AAGAB: variants seen among roughly 807,000 people sequenced by gnomAD.
AAGAB encodes alpha- and gamma-adaptin-binding protein p34.
In AAGAB, 38 loss-of-function variants were observed where a neutral mutation model predicts 44.1. The ratio of observed to expected loss-of-function variants is 0.86; its 90% confidence interval spans 0.67 to 1.13. The LOEUF (loss-of-function observed/expected upper bound fraction) is 1.13, where lower values mean the gene tolerates loss of function less well. Ranked by LOEUF, AAGAB falls within the 50% of genes most tolerant of loss-of-function variation. The pLI is 0.00. For missense variants in AAGAB, 450 were observed against 373.8 expected (o/e 1.20, Z -1.68); for synonymous variants, 131 against 131.8 (o/e 0.99, Z 0.04).
In AAGAB at chr15:67,231,914, AATAT is replaced by A. The variant is rs748650736; in HGVS notation, c.452-21_452-18del. 4 of 1,573,568 alleles carry A rather than the reference AATAT, an allele frequency of 2.5e-6. No individual in the cohort carries two copies. The highest frequency in any genetic ancestry group is 2.6e-6 in the Non-Finnish European group (3 of 1,144,658). On this transcript the variant is annotated intron_variant, in intron 4 of 9. Transcript: ENST00000261880. ...GGAAGTCATCTAATCAGGGAGGGGA[AATAT>A]ATATATTTATATGCAACACTCACAC...
chr15:67,228,703 A>G (rs1405460998), intron 5 of AAGAB, among the ~76,000 whole-genome samples: 1 of 152,236 alleles, frequency 6.6e-6, no homozygotes, highest in Non-Finnish European at 1.5e-5. Context: ...TATTCACAAT[A>G]GCAAAGACAC....
upstream of AAGAB, chr15:67,255,056 A>C (rs1212954552): frequency 9.5e-7 from 1 of 1,049,944 alleles, no homozygotes; most frequent in African/African-American, 1.6e-5. Flanking sequence ...CCGCCCCTAG[A>C]CTCCCTCCAA....
intron 3 of AAGAB, 74 bp from the exon 4 acceptor site, chr15:67,236,142 C>A: frequency 1.7e-6 from 2 of 1,192,670 alleles, no homozygotes; most frequent in Non-Finnish European, 2.4e-6. Context: ...ATATTCTTCA[C>A]AAATCTCAAT....
chr15:67,211,004 C>G (rs879558687), intron 5 of AAGAB, among the ~76,000 whole-genome samples: 2 of 152,166 alleles, frequency 1.3e-5, no homozygotes, highest in Non-Finnish European at 2.9e-5. Context: ...TTCCCTATAC[C>G]CTTTCCCCTG....
rs535659506 is a variant in AAGAB, at chr15:67,239,164, G to A, written c.74-2344C>T. 3.3e-5 allele frequency among the ~76,000 whole-genome samples: 5 copies of A among 152,184 alleles called. No homozygotes were observed. The South Asian group carries it at 1.0e-3, about 32-fold the overall frequency. Reference sequence around the variant, plus strand: ...TCAGTTCTTGATATTTCCTAAATTGGTTGTATTGTTAAAAACTGATATCAA... The same window carrying A: ...TCAGTTCTTGATATTTCCTAAATTGATTGTATTGTTAAAAACTGATATCAA... On this transcript the variant is annotated intron_variant, in intron 1 of 9. Transcript: ENST00000261880.
At chr15:67,204,340 T>C (rs1292013291) in intron 7 of AAGAB, among the ~76,000 whole-genome samples, 192 bp from the exon 8 acceptor site, 2 of 152,130 alleles carry the variant, frequency 1.3e-5, no homozygotes, top group Admixed American at 6.5e-5. Flanking sequence ...AACTATTTTA[T>C]CCTCACAACA....
intron 5 of AAGAB, among the ~76,000 whole-genome samples, chr15:67,229,258 C>T (rs1964276947): frequency 6.6e-6 from 1 of 151,794 alleles, no homozygotes; most frequent in African/African-American, 2.4e-5. Flanking sequence ...ATGGTGAAAC[C>T]CCCGTCTCTA....
At chr15:67,231,297 C>T (rs1413283171) in intron 5 of AAGAB, among the ~76,000 whole-genome samples, 2 of 152,174 alleles carry the variant, frequency 1.3e-5, no homozygotes, top group African/African-American at 2.4e-5. Context: ...CTCCACTTGC[C>T]GTTCTCCCCT....
chr15:67,232,368 A>G (rs1964360226), intron 4 of AAGAB: 2 of 179,192 alleles, frequency 1.1e-5, no homozygotes, highest in Non-Finnish European at 2.3e-5. Context: ...AAAATCAAAT[A>G]CAGAGCTTGG....
In AAGAB at chr15:67,208,580, G is replaced by A. The variant is rs1254374766; in HGVS notation, c.697C>T (p.Gln233Ter). 1.2e-6 allele frequency: 2 copies of A among 1,613,936 alleles called. No individual in the cohort carries two copies. Among genetic ancestry groups the A allele is most frequent in the Admixed American group, 3.3e-5 (2 of 60,008 alleles). Residue 233 changes from glutamine (Q) to a stop codon, truncating the protein, a stop_gained, in exon 7 of 10, where the codon CAG becomes TAG. Coordinates refer to ENST00000261880, the MANE Select transcript of AAGAB (RefSeq NM_024666.5). LOFTEE classifies it high-confidence loss of function. ...RGGASNTTDA[Q>*]VDSIVDPMLD... ...AACTTACCCACAATGCTATCAACCT[G>A]GGCATCTGTTGTGTTAGATGCACCA...
At chr15:67,209,618 ACAAAGGCTACTTATTTGTTAC>A in intron 5 of AAGAB, 74 bp from the exon 6 acceptor site, 2 of 1,163,942 alleles carry the variant, frequency 1.7e-6, no homozygotes, top group Non-Finnish European at 2.6e-6. Flanking sequence ...TGATGATGAA[ACAAAGGCTACTTATTTGTTAC>A]CAAAGTTCTA....
Position 67,202,896 on chromosome 15 carries a change from C to T in AAGAB, c.873G>A (p.Val291=), listed in dbSNP as rs1434382656. The T allele has an allele frequency of 6.2e-7, 1 of 1,613,914 alleles. No homozygotes were observed. The highest frequency in any genetic ancestry group is 1.3e-5 in the African/African-American group (1 of 74,898). Residue 291 remains valine, a splice_region_variant and synonymous_variant, in exon 10 of 10, where the codon GTG becomes GTA. Transcript: ENST00000261880. ...HEQRKVHAEK[V]AKAFWMAIGG... is the part of the protein sequence containing the mutation. ...CGATTGCCATCCAGAATGCTTTGGC[C>T]ACCTGTGGAGAGAAGCATGCAACAA...
rs551902636 is a variant in AAGAB at position 67,249,545 on chromosome 15, T to G, written c.73+5014A>C. The stretch of plus-strand genomic sequence containing the variant: ...ATATGTATTTAATTTAATACACATA[T>G]TAAATAATGCTCCATTTATTGGTTT... On this transcript the variant is annotated intron_variant, in intron 1 of 9. Transcript: ENST00000261880. 2.9e-4 allele frequency among the ~76,000 whole-genome samples: 44 copies of G among 152,366 alleles called. 1 individual carries two copies. The South Asian group carries it at 8.7e-3, about 30-fold the overall frequency.
intron 5 of AAGAB, 131 bp from the exon 6 acceptor site, chr15:67,209,675 C>A (rs1348993937): frequency 2.8e-6 from 2 of 718,180 alleles, no homozygotes; most frequent in Admixed American, 5.0e-5. Context: ...ATTTTTGAGA[C>A]AGGGTCTCAC....
At chr15:67,231,334 T>C (rs1360785154) in intron 5 of AAGAB, among the ~76,000 whole-genome samples, 1 of 152,226 alleles carries the variant, frequency 6.6e-6, no homozygotes, top group African/African-American at 2.4e-5. Context: ...TTGAGCTTCC[T>C]GTGAAAACTA....
intron 7 of AAGAB, among the ~76,000 whole-genome samples, 162 bp downstream of exon 7, chr15:67,208,400 T>G (rs1963732971): frequency 6.6e-6 from 1 of 152,228 alleles, no homozygotes; most frequent in Non-Finnish European, 1.5e-5. Context: ...TCTTCTTCCT[T>G]TTTCTGATAG....
chr15:67,236,100 TA>T (rs774027524), intron 3 of AAGAB, 32 bp from the exon 4 acceptor site: 1 of 1,496,080 alleles, frequency 6.7e-7, no homozygotes, highest in South Asian at 1.2e-5. Context: ...TCTTCATAAG[TA>T]AAAAGAAAAT....
intron 5 of AAGAB, among the ~76,000 whole-genome samples, chr15:67,224,119 A>C (rs1322468764): frequency 6.6e-6 from 1 of 152,234 alleles, no homozygotes; most frequent in Non-Finnish European, 1.5e-5. Context: ...TTTATTGACT[A>C]TAGTCTCCCA....
At chr15:67,249,512 C>CT (rs1319990859) in intron 1 of AAGAB, among the ~76,000 whole-genome samples, 2 of 152,158 alleles carry the variant, frequency 1.3e-5, no homozygotes, top group African/African-American at 4.8e-5. Flanking sequence ...GCATAATGCT[C>CT]TTTTTTAATA....
Sources: gnomAD v4.1 joint callset for allele counts (sites outside exome capture counted in the v4.1 genomes callset) on GRCh38, gnomAD v4.1.1 for gene constraint, MANE v1.5 for transcripts, NCBI Gene and HGNC (gene_info 2026-07-23, HGNC 2026-07-21) for gene names.